Variants in DMD observed in about 807,000 individuals in gnomAD.
DMD encodes the protein dystrophin, also known as mutant dystrophin.
Under a neutral mutation model 330.1 loss-of-function variants are expected in DMD, and 63 were observed. The ratio of observed to expected loss-of-function variants is 0.19; its 90% CI spans 0.16 to 0.24. The LOEUF (loss-of-function observed/expected upper bound fraction) is 0.24. DMD is among the 10% of genes least tolerant of loss of function. The probability of loss-of-function intolerance (pLI) is 1.00; values close to 1 mark genes in which losing one functional copy is unlikely to be tolerated. For synonymous variants in DMD, 1,223 were observed against 959.8 expected (o/e 1.27, Z -5.07); for missense variants, 3,344 against 2,684.1 (o/e 1.25, Z -5.43).
chrX:32,279,450 T>C (rs2097404232), intron 43 of DMD, among the ~76,000 whole-genome samples: 1 of 111,636 alleles, frequency 9.0e-6, no homozygotes, highest in Non-Finnish European at 1.9e-5. Flanking sequence ...GAAAATGTGA[T>C]ACATATACGT....
At chrX:32,156,307 G>T (rs1005791244) in intron 44 of DMD, among the ~76,000 whole-genome samples, 10 of 111,993 alleles carry the variant, frequency 8.9e-5, no homozygotes, top group Non-Finnish European at 1.7e-4. Flanking sequence ...TTGAACCCGG[G>T]AGGCAGTGGT....
chrX:32,988,700 A>G (rs2092908396), intron 2 of DMD, among the ~76,000 whole-genome samples: 1 of 112,441 alleles, frequency 8.9e-6, no homozygotes, highest in Admixed American at 9.5e-5. Context: ...CTAATTGTGT[A>G]GTGTGACTAT....
intron 2 of DMD, among the ~76,000 whole-genome samples, chrX:33,010,857 G>T (rs1026794848): frequency 4.5e-5 from 5 of 111,012 alleles, no homozygotes; most frequent in Admixed American, 1.9e-4. Flanking sequence ...TCAAAGTGTG[G>T]TTCTTTGGCC....
intron 11 of DMD, among the ~76,000 whole-genome samples, chrX:32,629,718 G>T (rs1427309657): frequency 9.2e-6 from 1 of 108,772 alleles, no homozygotes; most frequent in South Asian, 3.9e-4. Flanking sequence ...TAACTATGAG[G>T]TTTGTAAAGA....
At chrX:32,941,059 A>G (rs1569544412) in intron 2 of DMD, among the ~76,000 whole-genome samples, 2 of 111,952 alleles carry the variant, frequency 1.8e-5, no homozygotes, top group Middle Eastern at 4.2e-3. Context: ...ATGCTGAATA[A>G]CATTAATTGT....
chrX:32,686,564 A>AAAAAAAAAAAG (rs2062886170), intron 9 of DMD, among the ~76,000 whole-genome samples: 1 of 105,100 alleles, frequency 9.5e-6, no homozygotes, highest in African/African-American at 3.5e-5. Context: ...CATCTCAAAA[A>AAAAAAAAAAAG]AAAAAAAAAA....
At chrX:33,016,944 A>G (rs2093815534) in intron 2 of DMD, among the ~76,000 whole-genome samples, 1 of 112,063 alleles carries the variant, frequency 8.9e-6, no homozygotes. Context: ...GGATTATAAC[A>G]TATCAATAAA....
chrX:32,413,769 G>A (rs191242400), intron 29 of DMD, among the ~76,000 whole-genome samples: 1 of 93,197 alleles, frequency 1.1e-5, no homozygotes, highest in East Asian at 3.3e-4. Context: ...CACCCAGACT[G>A]GAGTGCAGTG....
Position 32,364,928 on chromosome X carries a change from GA to G in DMD, c.5025+91del, listed in dbSNP as rs1569559861. 3.9e-6 allele frequency: 4 copies of G among 1,035,233 alleles called. No homozygotes were observed. In the Admixed American group the frequency reaches 9.1e-5, roughly 23 times the overall value. 85.3% of individuals were successfully genotyped at this position (1,035,233 alleles called of 1,213,427 possible). On this transcript the variant is annotated intron_variant, in intron 35 of 78. Transcript: ENST00000357033. ...AGAGCCAGCATATACGTAGAATTGA[GA>G]AATTTTCAAACACAGAATTGTTACT...
At chrX:32,425,723 T>A (rs762161457) in intron 29 of DMD, among the ~76,000 whole-genome samples, 1 of 111,622 alleles carries the variant, frequency 9.0e-6, no homozygotes, top group East Asian at 2.8e-4. Context: ...GGCATCATGT[T>A]AGCTGACTTC....
At chrX:32,777,456 T>C (rs191164242) in intron 7 of DMD, among the ~76,000 whole-genome samples, 3,661 of 110,442 alleles carry the variant, frequency 0.033, 161 homozygotes, top group African/African-American at 0.12. Flanking sequence ...AGATTGTTTA[T>C]GGTAAGAATT....
intron 4 of DMD, among the ~76,000 whole-genome samples, chrX:32,842,779 T>C (rs2080283669): frequency 9.0e-6 from 1 of 110,756 alleles, no homozygotes; most frequent in Non-Finnish European, 1.9e-5. Context: ...TGCATAGTAT[T>C]GTATTTCATG....
chrX:32,060,876 G>C (rs1487395991), intron 44 of DMD, among the ~76,000 whole-genome samples: 1 of 111,107 alleles, frequency 9.0e-6, no homozygotes, highest in African/African-American at 3.3e-5. Flanking sequence ...AAAGAAGTTG[G>C]TCTGGGTGCA....
intron 26 of DMD, among the ~76,000 whole-genome samples, chrX:32,452,779 G>A (rs2148333169): frequency 9.0e-6 from 1 of 110,705 alleles, no homozygotes; most frequent in South Asian, 3.7e-4. Flanking sequence ...GGTTTTTCTT[G>A]TCCATTTAGA....
chrX:33,127,860 G>C (rs1168550203), intron 1 of DMD, among the ~76,000 whole-genome samples: 1 of 111,249 alleles, frequency 9.0e-6, no homozygotes, highest in Admixed American at 9.6e-5. Context: ...TGAAGACAAA[G>C]TTCATTAAAG....
At chrX:32,711,099 T>C (rs2065147197) in intron 7 of DMD, among the ~76,000 whole-genome samples, 1 of 112,045 alleles carries the variant, frequency 8.9e-6, no homozygotes, top group Admixed American at 9.5e-5. Flanking sequence ...AGAATCTTAC[T>C]GCTATTTTAA....
At chrX:32,398,405 T>G (rs932146570) in intron 30 of DMD, among the ~76,000 whole-genome samples, 1 of 110,520 alleles carries the variant, frequency 9.0e-6, no homozygotes, top group African/African-American at 3.3e-5. Flanking sequence ...ACATTGTTCC[T>G]TGACATATGA....
At chrX:32,980,928 A>T (rs763139253) in intron 2 of DMD, among the ~76,000 whole-genome samples, 1 of 111,562 alleles carries the variant, frequency 9.0e-6, no homozygotes, top group African/African-American at 3.2e-5. Flanking sequence ...GTAAGCATTA[A>T]ATGGAAGAAG....
chrX:33,291,597 T>C (rs1457127375), intron 1 of DMD, among the ~76,000 whole-genome samples: 1 of 111,366 alleles, frequency 9.0e-6, no homozygotes, highest in Admixed American at 9.6e-5. Context: ...AAGCTACATA[T>C]AAATAAAAAG....
Sources: allele counts gnomAD v4.1 joint callset (sites outside exome capture counted in the v4.1 genomes callset), GRCh38; gene constraint gnomAD v4.1.1; transcripts MANE v1.5; gene names NCBI Gene and HGNC (gene_info 2026-07-23, HGNC 2026-07-21).